The following CEACAM5 variants were observed in gnomAD, a reference collection of about 807,000 sequenced individuals.
The protein encoded by CEACAM5 is cell adhesion molecule CEACAM5.
A neutral mutation model predicts 63.0 loss-of-function variants in CEACAM5; 52 were observed. That is an observed-to-expected ratio of 0.83 (90% confidence interval 0.66 to 1.04). The LOEUF (loss-of-function observed/expected upper bound fraction) is 1.04, where lower values mean the gene tolerates loss of function less well. Among genes scored for constraint, CEACAM5 ranks in the 50% least tolerant of loss-of-function variants. CEACAM5 has a pLI of 0.00. For synonymous variants in CEACAM5, 357 were observed against 351.3 expected, an observed-to-expected ratio of 1.02 and a Z score of -0.18; for missense variants, 790 against 864.8, an observed-to-expected ratio of 0.91 and a Z score of 1.08.
Position 41,720,084 on chromosome 19 carries a change from G to A in CEACAM5, c.1647G>A (p.Leu549=), listed in dbSNP as rs1555815856. The part of the protein sequence containing the change: ...QSLPVSPRLQ[L]SNGNRTLTLF... ...TCCCAGTCAGTCCCAGGCTGCAGCT[G>A]TCCAATGGCAACAGGACCCTCACTC... The change falls in exon 7 of 10, where the codon CTG becomes CTA. Residue 549 remains leucine (L), a synonymous_variant. Transcript: ENST00000221992. 3.1e-6 allele frequency: 5 copies of A among 1,614,236 alleles called. No homozygotes were observed. In the East Asian group the frequency reaches 1.1e-4, roughly 36 times the overall value.
In CEACAM5 at chr19:41,715,760, T is replaced by C. The variant is rs1568704155; in HGVS notation, c.814T>C (p.Phe272Leu). 2 of 1,614,184 alleles carry C rather than the reference T, an allele frequency of 1.2e-6. No individual in the cohort carries two copies. Among genetic ancestry groups the C allele is most frequent in the Admixed American group, 3.3e-5 (2 of 60,024 alleles). Reference protein sequence around the residue: ...ASNPPAQYSWFVNGTFQQSTQ... With the variant: ...ASNPPAQYSWLVNGTFQQSTQ... ...TAACCCACCTGCACAGTACTCTTGG[T>C]TTGTCAATGGGACTTTCCAGCAATC... Residue 272 changes from phenylalanine to leucine, a missense_variant, in exon 4 of 10, where the codon TTT becomes CTT. Coordinates refer to ENST00000221992, the MANE Select transcript of CEACAM5 (RefSeq NM_004363.6).
In CEACAM5 at chr19:41,727,325, G is replaced by C; in HGVS notation, c.*9G>C. 6.2e-7 allele frequency: 1 copy of C among 1,603,112 alleles called. No individual in the cohort carries two copies. Among genetic ancestry groups the C allele is most frequent in the Non-Finnish European group, 8.5e-7 (1 of 1,170,418 alleles). On this transcript the variant is annotated 3_prime_UTR_variant, in exon 9 of 10. Coordinates refer to ENST00000221992, the MANE Select transcript of CEACAM5 (RefSeq NM_004363.6). ...GGGTTGCTCTGATATAGCAGCCCTGGTGTAGTTTCTTCATTTCAGGAAGAC... is the reference window on the plus strand; with the variant it reads ...GGGTTGCTCTGATATAGCAGCCCTGCTGTAGTTTCTTCATTTCAGGAAGAC...
At chr19:41,722,404 T>C (rs1299951333) in intron 8 of CEACAM5, among the ~76,000 whole-genome samples, 2 of 151,904 alleles carry the variant, frequency 1.3e-5, no homozygotes, top group African/African-American at 2.4e-5. Flanking sequence ...CAAGTCTTTT[T>C]ATACTCATGT....
intron 8 of CEACAM5, among the ~76,000 whole-genome samples, chr19:41,723,576 G>C (rs1285711414): frequency 6.6e-6 from 1 of 152,098 alleles, no homozygotes; most frequent in East Asian, 1.9e-4. Context: ...TCCCTTATCA[G>C]ATATATGATT....
At chr19:41,708,842 T>A (rs1555813383) in intron 1 of CEACAM5, 47 bp downstream of exon 1, 2 of 597,148 alleles carry the variant, frequency 3.3e-6, no homozygotes, top group Non-Finnish European at 4.9e-6. Flanking sequence ...GGAGCTGGGG[T>A]CTCCTGGGTA....
chr19:41,719,423 C>A (rs1243361542), intron 6 of CEACAM5, among the ~76,000 whole-genome samples: 1 of 152,186 alleles, frequency 6.6e-6, no homozygotes, highest in Non-Finnish European at 1.5e-5. Flanking sequence ...TGGCCCACAG[C>A]CTGACCCCTG....
intron 8 of CEACAM5, 113 bp downstream of exon 8, chr19:41,721,289 G>A (rs2072617730): frequency 1.6e-6 from 2 of 1,225,334 alleles, no homozygotes; most frequent in African/African-American, 1.5e-5. Flanking sequence ...TGGGCACAAG[G>A]AAATCCCAAA....
intron 8 of CEACAM5, among the ~76,000 whole-genome samples, chr19:41,721,972 G>A (rs782225190): frequency 1.2e-4 from 19 of 152,190 alleles, no homozygotes; most frequent in Non-Finnish European, 2.5e-4. Flanking sequence ...GCTCTGCATG[G>A]GAGGGAACAG....
In CEACAM5 at chr19:41,721,241, G is replaced by A. The variant is rs535872396; in HGVS notation, c.2026+65G>A. ...TGGAGTCTATCTGGTTCTCACCAAA[G>A]AGCCAAGAAGACATTTTCTTTCCCA... On this transcript the variant is annotated intron_variant, in intron 8 of 9. Transcript: ENST00000221992. The A allele has an allele frequency of 4.6e-5, 71 of 1,551,632 alleles. No homozygotes were observed. The East Asian group carries it at 1.6e-3, about 34-fold the overall frequency.
At chr19:41,715,445 C>T in intron 3 of CEACAM5, 196 bp downstream of exon 3, 1 of 1,129,686 alleles carries the variant, frequency 8.9e-7, no homozygotes, top group Non-Finnish European at 1.3e-6. Context: ...GGGGCTGCTT[C>T]TGTCCTGGGA....
chr19:41,713,059 C>T (rs1555814317), intron 2 of CEACAM5, among the ~76,000 whole-genome samples: 1 of 152,220 alleles, frequency 6.6e-6, no homozygotes, highest in African/African-American at 2.4e-5. Context: ...GTAATCCCAG[C>T]ACTTCGGGAG....
At chr19:41,716,950 C>A (rs1555815126) in intron 4 of CEACAM5, among the ~76,000 whole-genome samples, 1 of 152,238 alleles carries the variant, frequency 6.6e-6, no homozygotes, top group Non-Finnish European at 1.5e-5. Flanking sequence ...CCTGACTTGT[C>A]ACCTCTAGAC....
intron 2 of CEACAM5, 57 bp downstream of exon 2, chr19:41,710,096 C>A: frequency 6.4e-7 from 1 of 1,570,158 alleles, no homozygotes; most frequent in South Asian, 1.2e-5. Flanking sequence ...TTCCCACACA[C>A]AGGATTATCA....
At position 41,730,294 on chromosome 19, in the gene CEACAM5, G is replaced by C. The variant is rs1270975795; in HGVS notation, c.*1147G>C. 2.0e-5 allele frequency among the ~76,000 whole-genome samples: 3 copies of C among 151,736 alleles called. No homozygotes were observed. The highest frequency in any genetic ancestry group is 2.9e-5 in the Non-Finnish European group (2 of 67,918). ...AAAGTTAGCCGGGCGTGGTGGTGGG[G>C]GCCTGTAGTCCCAGCTACTCAGGAG... On this transcript the variant is annotated 3_prime_UTR_variant, in exon 10 of 10. Coordinates refer to ENST00000221992, the MANE Select transcript of CEACAM5 (RefSeq NM_004363.6).
Position 41,720,960 on chromosome 19 carries a change from T to C in CEACAM5, c.1810T>C (p.Ser604Pro), listed in dbSNP as rs2072611074. ...CCCCATCATTTCCCCCCCAGACTCG[T>C]CTTACCTTTCGGGAGCGAACCTCAA... ...DTPIISPPDS[S>P]YLSGANLNLS... The change falls in exon 8 of 10, where the codon TCT (serine) becomes CCT (proline). Residue 604 changes from serine (S) to proline (P), a missense_variant. Ser to Pro is a moderately conservative substitution (Grantham distance 74). Transcript: ENST00000221992. 6.2e-7 allele frequency: 1 copy of C among 1,613,516 alleles called. No homozygotes were observed. The highest frequency in any genetic ancestry group is 1.1e-5 in the South Asian group (1 of 91,060).
In CEACAM5 at chr19:41,713,683, TGTG is replaced by T. The variant is rs1555814395; in HGVS notation, c.425-1287_425-1285del. 2.6e-5 allele frequency among the ~76,000 whole-genome samples: 4 copies of T among 152,244 alleles called. No individual in the cohort carries two copies. In the East Asian group the frequency reaches 7.7e-4, roughly 29 times the overall value. ...AAGTGGAATCCTACAGTATCTGCCC[TGTG>T]AGTGGCTTATTTCATTTAGCATAAT... is the stretch of plus-strand genomic sequence containing the variant. On this transcript the variant is annotated intron_variant, in intron 2 of 9. Transcript: ENST00000221992.
intron 4 of CEACAM5, 152 bp from the exon 5 acceptor site, chr19:41,717,303 G>A (rs895962475): frequency 1.2e-6 from 1 of 811,980 alleles, no homozygotes; most frequent in East Asian, 2.5e-5. Flanking sequence ...TCAGATCATT[G>A]TGCATCTGTC....
At chr19:41,716,094 C>T (rs1314181522) in intron 4 of CEACAM5, among the ~76,000 whole-genome samples, 190 bp downstream of exon 4, 1 of 152,156 alleles carries the variant, frequency 6.6e-6, no homozygotes, top group Admixed American at 6.5e-5. Flanking sequence ...TTTCTCATGG[C>T]GGGCCCCAGG....
chr19:41,708,834 A>AGCACAGAGACGG, intron 1 of CEACAM5, 39 bp downstream of exon 1: 2 of 1,542,752 alleles, frequency 1.3e-6, no homozygotes, highest in Non-Finnish European at 1.8e-6. Context: ...GGGAGGAGGG[A>AGCACAGAGACGG]GCTGGGGTCT....
Sources: allele counts gnomAD v4.1 joint callset (sites outside exome capture counted in the v4.1 genomes callset), GRCh38; gene constraint gnomAD v4.1.1; transcripts MANE v1.5; gene names NCBI Gene and HGNC (gene_info 2026-07-23, HGNC 2026-07-21).